The following SLC25A28 variants were observed in gnomAD, a reference collection of about 807,000 sequenced individuals.
SLC25A28 encodes the protein mitoferrin-2.
Under a neutral mutation model 31.9 loss-of-function variants are expected in SLC25A28, and 10 were observed. The ratio of observed to expected loss-of-function variants is 0.31; its 90% CI spans 0.19 to 0.53. The LOEUF is 0.53. Ranked by LOEUF, SLC25A28 falls within the 20% of genes least tolerant of loss-of-function variation. SLC25A28 has a pLI of 0.95. For synonymous variants in SLC25A28, 208 were observed against 203.6 expected (o/e 1.02, Z -0.19); for missense variants, 256 against 490.3 (o/e 0.52, Z 4.51).
In SLC25A28 at chr10:99,611,457, A is replaced by G. The variant is rs1212395799; in HGVS notation, c.578-91T>C. 7 of 1,490,586 alleles carry G rather than the reference A, an allele frequency of 4.7e-6. No homozygotes were observed. Among genetic ancestry groups the G allele is most frequent in the Non-Finnish European group, 6.4e-6 (7 of 1,097,380 alleles). The allele number at this position is 1,490,586 out of a possible 1,614,324, so 92.3% of individuals were successfully genotyped here. A position where few individuals can be genotyped will look rare whatever the true frequency, so the allele number is the denominator to read the frequency against. ...ATTCAGAGCCCCAAGTCAGCAGATC[A>G]GCCAATGGAATAGAGAGAGAAAAAA... On this transcript the variant is annotated intron_variant, in intron 3 of 3. Transcript: ENST00000370495. The surrounding 1 kb of genome is among the most constrained non-coding windows in gnomAD (Gnocchi z 5.5).
chr10:99,654,405 C>T, the SLC25A28 span, among the ~76,000 whole-genome samples: 3 of 152,136 alleles, frequency 2.0e-5, no homozygotes, highest in Non-Finnish European at 4.4e-5. Context: ...CTTGTACCCC[C>T]ATGATTATAA....
chr10:99,620,092 C>T lies in SLC25A28; in HGVS notation c.244G>A (p.Ala82Thr). The T allele has an allele frequency of 6.3e-7, 1 of 1,580,672 alleles. No homozygotes were observed. The highest frequency in any genetic ancestry group is 8.5e-7 in the Non-Finnish European group (1 of 1,170,762). The change falls in exon 1 of 4, where the codon GCA (alanine) becomes ACA (threonine). Residue 82 changes from alanine (A) to threonine (T), a missense_variant. Ala to Thr is a moderately conservative substitution (Grantham distance 58, BLOSUM62 0). Coordinates refer to ENST00000370495, the MANE Select transcript of SLC25A28 (RefSeq NM_031212.4). The part of the protein sequence containing the change: ...VTTHMVAGAV[A>T]GILEHCVMYP... Reference sequence around the variant, plus strand: ...ATCACGCAGTGCTCCAGGATCCCTGCCACGGCGCCTGCCACCATGTGCGTG... The same window carrying T: ...ATCACGCAGTGCTCCAGGATCCCTGTCACGGCGCCTGCCACCATGTGCGTG...
At chr10:99,633,494 G>A in the SLC25A28 span, among the ~76,000 whole-genome samples, 2 of 151,946 alleles carry the variant, frequency 1.3e-5, no homozygotes, top group Non-Finnish European at 2.9e-5. Flanking sequence ...TCAGGAGTTC[G>A]AGACCAGCCT....
At chr10:99,647,284 A>C in the SLC25A28 span, among the ~76,000 whole-genome samples, 3 of 152,200 alleles carry the variant, frequency 2.0e-5, no homozygotes, top group African/African-American at 7.2e-5. Context: ...CTACCAACAA[A>C]GTATAATTGT....
Position 99,611,307 on chromosome 10 carries a change from G to A in SLC25A28, c.637C>T (p.Arg213Trp), listed in dbSNP as rs754677257. Residue 213 changes from arginine to tryptophan, a missense_variant, in exon 4 of 4, where the codon CGG becomes TGG. Arg to Trp is a moderately radical substitution (Grantham distance 101). This residue lies in a region of SLC25A28 where 158 missense variants were observed against 379.1 expected (regional missense o/e 0.42). Coordinates refer to ENST00000370495, the MANE Select transcript of SLC25A28 (RefSeq NM_031212.4). The surrounding 1 kb of genome is among the most constrained non-coding windows in gnomAD (Gnocchi z 5.5). ...GCCCCTTCATTTTGCCACACTGCCC[G>A]TACACAGTCTGTCACCCGGTGGTAT... ...SPYHRVTDCV[R>W]AVWQNEGAGA... is the part of the protein sequence containing the mutation. 19 of 1,613,946 alleles carry A rather than the reference G, an allele frequency of 1.2e-5. No homozygotes were observed. The highest frequency in any genetic ancestry group is 2.2e-5 in the South Asian group (2 of 91,076).
the SLC25A28 span, among the ~76,000 whole-genome samples, chr10:99,658,727 G>A: frequency 6.6e-6 from 1 of 152,110 alleles, no homozygotes; most frequent in Non-Finnish European, 1.5e-5. Context: ...ATCGTGGGGC[G>A]CAATGGATGT....
In SLC25A28 at chr10:99,613,655, A is replaced by G; in HGVS notation, c.520+41T>C. The G allele has an allele frequency of 6.2e-7, 1 of 1,613,870 alleles. No homozygotes were observed. Among genetic ancestry groups the G allele is most frequent in the Non-Finnish European group, 8.5e-7 (1 of 1,179,892 alleles). ...GCACTGACAGCAGCAAAGCCCAAAG[A>G]GTTGGGAAAGTGGGGGAACCAGCAC... On this transcript the variant is annotated intron_variant, in intron 2 of 3. Coordinates refer to ENST00000370495, the MANE Select transcript of SLC25A28 (RefSeq NM_031212.4). The surrounding 1 kb of genome is among the most constrained non-coding windows in gnomAD (Gnocchi z 4.9).
the SLC25A28 span, among the ~76,000 whole-genome samples, chr10:99,648,476 A>C: frequency 3.9e-5 from 6 of 152,132 alleles, no homozygotes; most frequent in African/African-American, 1.4e-4. Context: ...TTTTTTTATA[A>C]TTCTGGGAAA....
At chr10:99,651,594 C>CTGTTTTTTTTTTT in the SLC25A28 span, among the ~76,000 whole-genome samples, 1 of 110,174 alleles carries the variant, frequency 9.1e-6, no homozygotes, top group South Asian at 3.3e-4. Flanking sequence ...TTTTTCTTTT[C>CTGTTTTTTTTTTT]TTTTTTTTTT....
chr10:99,646,641 G>A, the SLC25A28 span, among the ~76,000 whole-genome samples: 127,837 of 152,184 alleles, frequency 0.84, 53,940 homozygotes, highest in Middle Eastern at 0.92. Context: ...CGTCACTCAC[G>A]CTGGGAGCTG....
the SLC25A28 span, among the ~76,000 whole-genome samples, chr10:99,641,010 G>C: frequency 4.6e-5 from 7 of 152,324 alleles, no homozygotes; most frequent in East Asian, 1.3e-3. Context: ...ATTGTGAGTA[G>C]TGCTGCAATA....
rs1325062264 is a variant in SLC25A28 at position 99,616,884 on chromosome 10, T to C, written c.292-2960A>G. The C allele has an allele frequency of 5.4e-6, 5 of 934,532 alleles. No homozygotes were observed. In the African/African-American group the frequency reaches 7.1e-5, roughly 13 times the overall value. The allele number at this position is 934,532 out of a possible 1,614,324, so 57.9% of individuals were successfully genotyped here. A position where few individuals can be genotyped will look rare whatever the true frequency, so the allele number is the denominator to read the frequency against. On this transcript the variant is annotated intron_variant, in intron 1 of 3. Transcript: ENST00000370495. ...TCATGAAGTTGCTTCACAGATTAAA[T>C]GAATAAATGTATGTAAGGTACTTCA...
At chr10:99,644,038 T>C in the SLC25A28 span, among the ~76,000 whole-genome samples, 1 of 152,344 alleles carries the variant, frequency 6.6e-6, no homozygotes, top group Non-Finnish European at 1.5e-5. Context: ...AGAATGTATA[T>C]TCTGTTGATT....
At chr10:99,612,628 T>C in intron 2 of SLC25A28, 29 bp from the exon 3 acceptor site, 1 of 1,613,970 alleles carries the variant, frequency 6.2e-7, no homozygotes, top group Non-Finnish European at 8.5e-7. Flanking sequence ...CTGCCACATG[T>C]AAGGCCAAGA....
the SLC25A28 span, among the ~76,000 whole-genome samples, chr10:99,631,875 GTTATTTTTTTTTT>G: frequency 6.5e-5 from 6 of 91,976 alleles, no homozygotes; most frequent in East Asian, 3.1e-4. Context: ...CGCTCAGTAT[GTTATTTTTTTTTT>G]TTATTTTTTT....
At chr10:99,644,945 C>T in the SLC25A28 span, among the ~76,000 whole-genome samples, 1 of 152,210 alleles carries the variant, frequency 6.6e-6, no homozygotes, top group Non-Finnish European at 1.5e-5. Flanking sequence ...ATGGGCTTGC[C>T]TTTGTGGGTA....
At chr10:99,612,487 CTG>C in intron 3 of SLC25A28, 54 bp downstream of exon 3, 1 of 1,588,450 alleles carries the variant, frequency 6.3e-7, no homozygotes, top group Non-Finnish European at 8.6e-7. Flanking sequence ...CTTCTGCAAA[CTG>C]TAAAGAAATA....
chr10:99,632,387 G>C, the SLC25A28 span, among the ~76,000 whole-genome samples: 1 of 152,006 alleles, frequency 6.6e-6, no homozygotes, highest in Non-Finnish European at 1.5e-5. Flanking sequence ...GCTGGCAGGG[G>C]GTGGGTGTGT....
Position 99,613,333 on chromosome 10 carries a change from G to A in SLC25A28, c.520+363C>T, listed in dbSNP as rs373618171. On this transcript the variant is annotated intron_variant, in intron 2 of 3. Coordinates refer to ENST00000370495, the MANE Select transcript of SLC25A28 (RefSeq NM_031212.4). This position sits in a 1 kb window ranked among gnomAD's most constrained non-coding sequence, Gnocchi z 4.9. ...TCTTCCTTGGGTGGCTGGCTGGGTCGCCTCCAATCCTGCCCTAAGGAGCAG... is the reference window on the plus strand; with the variant it reads ...TCTTCCTTGGGTGGCTGGCTGGGTCACCTCCAATCCTGCCCTAAGGAGCAG... 51 of 1,093,226 alleles carry A rather than the reference G, an allele frequency of 4.7e-5. No homozygotes were observed. Among genetic ancestry groups the A allele is most frequent in the South Asian group, 2.3e-4 (9 of 39,664 alleles). 67.7% of individuals were successfully genotyped at this position (1,093,226 alleles called of 1,614,324 possible). A position where few individuals can be genotyped will look rare whatever the true frequency, so the allele number is the denominator to read the frequency against.
Sources: gnomAD v4.1 joint callset for allele counts (sites outside exome capture counted in the v4.1 genomes callset) on GRCh38, gnomAD v4.1.1 for gene constraint, gnomAD v4.1.1 regional missense constraint, Gnocchi (gnomAD v3.1) non-coding constraint, MANE v1.5 for transcripts, NCBI Gene and HGNC (gene_info 2026-07-23, HGNC 2026-07-21) for gene names.